The following LAMC3 variants were observed in gnomAD, a reference collection of about 807,000 sequenced individuals.
LAMC3 encodes laminin subunit gamma 3.
A neutral mutation model predicts 173.8 loss-of-function variants in LAMC3; 128 were observed. The ratio of observed to expected loss-of-function variants is 0.74; its 90% CI spans 0.64 to 0.85. The LOEUF (loss-of-function observed/expected upper bound fraction) is 0.85. Ranked by LOEUF, LAMC3 falls within the 40% of genes least tolerant of loss-of-function variation. The pLI, the probability that LAMC3 is intolerant of heterozygous loss-of-function variation, is 0.00. For synonymous variants in LAMC3, 897 were observed against 909.1 expected (o/e 0.99, Z 0.24); for missense variants, 2,022 against 2,156.0 (o/e 0.94, Z 1.23).
intron 3 of LAMC3, 68 bp from the exon 4 acceptor site, chr9:131,036,098 G>A (rs1833938125): frequency 6.5e-7 from 1 of 1,545,466 alleles, no homozygotes; most frequent in Non-Finnish European, 8.9e-7. Context: ...GGGGCTACCT[G>A]GTGACTAACT....
intron 27 of LAMC3, among the ~76,000 whole-genome samples, chr9:131,088,563 T>C (rs1830368010): frequency 6.6e-6 from 1 of 152,146 alleles, no homozygotes; most frequent in African/African-American, 2.4e-5. Flanking sequence ...CAGCATGTAT[T>C]TTTTTCAAAT....
rs191987262 is a variant in LAMC3 at position 131,032,095 on chromosome 9, G to T, written c.729G>T (p.Thr243=). 2.5e-6 allele frequency: 4 copies of T among 1,614,068 alleles called. No individual in the cohort carries two copies. In the East Asian group the frequency reaches 8.9e-5, roughly 36 times the overall value. The change falls in exon 3 of 28, where the codon ACG becomes ACT. Residue 243 remains threonine, a synonymous_variant. Transcript: ENST00000361069. ...TCATCTCTCTAGACCGGCTCAACAC[G>T]TTTGGGGACGACATCTTCAAGGACC... The part of the protein sequence containing the change: ...ELLISLDRLN[T]FGDDIFKDPK...
At chr9:131,088,654 C>T (rs192339469) in intron 27 of LAMC3, among the ~76,000 whole-genome samples, 17 of 152,228 alleles carry the variant, frequency 1.1e-4, no homozygotes, top group African/African-American at 3.9e-4. Context: ...CATTGTTGTG[C>T]GATCATCACC....
At chr9:131,052,387 CT>C in intron 9 of LAMC3, 103 bp from the exon 10 acceptor site, 1 of 1,138,710 alleles carries the variant, frequency 8.8e-7, no homozygotes, top group South Asian at 1.3e-5. Context: ...ACCCACTGCA[CT>C]TTTATCTTTT....
intron 2 of LAMC3, among the ~76,000 whole-genome samples, chr9:131,027,227 G>A (rs992777788): frequency 3.9e-5 from 6 of 152,248 alleles, no homozygotes; most frequent in Non-Finnish European, 8.8e-5. Flanking sequence ...GGAAGCTGAG[G>A]CCTGGAGGGA....
intron 9 of LAMC3, 139 bp downstream of exon 9, chr9:131,049,269 G>A (rs1267773278): frequency 8.6e-6 from 6 of 695,382 alleles, no homozygotes; most frequent in African/African-American, 7.1e-5. Context: ...TAGGTCTCTC[G>A]GAGCTAACAT....
chr9:131,055,615 C>T (rs1470204815), intron 11 of LAMC3, among the ~76,000 whole-genome samples: 15 of 150,954 alleles, frequency 9.9e-5, no homozygotes, highest in African/African-American at 2.2e-4. Context: ...TTAGTAGAGA[C>T]GGGGTTTCAC....
At chr9:131,065,655 G>A (rs1244078785) in intron 13 of LAMC3, among the ~76,000 whole-genome samples, 1 of 152,218 alleles carries the variant, frequency 6.6e-6, no homozygotes, top group Non-Finnish European at 1.5e-5. Context: ...CAGTGCAGCG[G>A]GAATGTGGAC....
In LAMC3 at chr9:131,071,595, G is replaced by A. The variant is rs775411177; in HGVS notation, c.3181G>A (p.Asp1061Asn). Reference sequence around the variant, plus strand: ...TCTGCTGGGAGAGGCCCCAAGGGGGGACGTCTACCAGGGCCATCACCTGCT... The same window carrying A: ...TCTGCTGGGAGAGGCCCCAAGGGGGAACGTCTACCAGGGCCATCACCTGCT... ...DILLGEAPRG[D>N]VYQGHHLLPG... is the part of the protein sequence containing the mutation. Residue 1061 changes from aspartate (D) to asparagine (N), a missense_variant, in exon 18 of 28, where the codon GAC becomes AAC. Transcript: ENST00000361069. 51 of 1,602,704 alleles carry A rather than the reference G, an allele frequency of 3.2e-5. No individual in the cohort carries two copies. Among genetic ancestry groups the A allele is most frequent in the Non-Finnish European group, 4.1e-5 (48 of 1,172,752 alleles).
rs146221263 is a variant in LAMC3 at position 131,072,668 on chromosome 9, G to A, written c.3250G>A (p.Glu1084Lys). Residue 1084 changes from glutamate (E) to lysine (K), a missense_variant, in exon 19 of 28, where the codon GAG becomes AAG. Glu to Lys is a moderately conservative substitution (Grantham distance 56). Coordinates refer to ENST00000361069, the MANE Select transcript of LAMC3 (RefSeq NM_006059.4). ...EAFLEQMMSL[E>K]GAVKAAREQL... is the part of the protein sequence containing the mutation. Reference sequence around the variant, plus strand: ...CTTCCTGGAGCAGATGATGAGCCTCGAGGGTGCTGTCAAGGCCGCCCGGGA... The same window carrying A: ...CTTCCTGGAGCAGATGATGAGCCTCAAGGGTGCTGTCAAGGCCGCCCGGGA... 4.7e-5 allele frequency: 75 copies of A among 1,611,278 alleles called. No homozygotes were observed. The highest frequency in any genetic ancestry group is 5.8e-5 in the Non-Finnish European group (69 of 1,179,828).
At chr9:131,067,894 A>G (rs1400698090) in intron 14 of LAMC3, among the ~76,000 whole-genome samples, 184 bp from the exon 15 acceptor site, 1 of 152,122 alleles carries the variant, frequency 6.6e-6, no homozygotes, top group African/African-American at 2.4e-5. Context: ...CTAAGGATAT[A>G]GTCAATGGGC....
intron 1 of LAMC3, among the ~76,000 whole-genome samples, chr9:131,011,245 A>G (rs573231359): frequency 2.0e-4 from 31 of 152,246 alleles, no homozygotes; most frequent in Admixed American, 5.9e-4. Context: ...TCAATTCCCA[A>G]ACACATTTGG....
At chr9:131,050,353 G>A (rs1197531898) in intron 9 of LAMC3, among the ~76,000 whole-genome samples, 2 of 152,202 alleles carry the variant, frequency 1.3e-5, no homozygotes, top group African/African-American at 4.8e-5. Context: ...ACAAACGTCT[G>A]GGCTGGCTGG....
chr9:131,082,071 G>A lies in LAMC3; in HGVS notation c.3940G>A (p.Ala1314Thr). 1 of 1,613,626 alleles carries A rather than the reference G, an allele frequency of 6.2e-7. No homozygotes were observed. The highest frequency in any genetic ancestry group is 8.5e-7 in the Non-Finnish European group (1 of 1,179,824). ...CATCTCTCTCCAGCTGCACCAGGAG[G>A]CCAGAGCCGCCCTGACCCAGGCTTC... is the stretch of plus-strand genomic sequence containing the variant. Reference protein sequence around the residue: ...TEPLTKLHQEARAALTQASSS... With the variant: ...TEPLTKLHQETRAALTQASSS... The change falls in exon 24 of 28, where the codon GCC becomes ACC. Residue 1314 changes from alanine to threonine, a missense_variant. Physicochemically the swap from Ala to Thr is moderately conservative, Grantham distance 58 (BLOSUM62 0). Coordinates refer to ENST00000361069, the MANE Select transcript of LAMC3 (RefSeq NM_006059.4).
At chr9:131,051,610 G>A (rs184022955) in intron 9 of LAMC3, among the ~76,000 whole-genome samples, 433 of 152,144 alleles carry the variant, frequency 2.8e-3, no homozygotes, top group Non-Finnish European at 5.0e-3. Flanking sequence ...TGATCCACTC[G>A]CCTCAGCCTC....
chr9:131,034,738 G>C (rs1045433180), intron 3 of LAMC3, among the ~76,000 whole-genome samples: 2 of 152,216 alleles, frequency 1.3e-5, no homozygotes, highest in Non-Finnish European at 1.5e-5. Flanking sequence ...AGCAGCTCAG[G>C]ACAGGGACAG....
At position 131,071,598 on chromosome 9, in the gene LAMC3, G is replaced by A. The variant is rs150681325; in HGVS notation, c.3184G>A (p.Val1062Ile). ...ILLGEAPRGDVYQGHHLLPGA... is the reference protein window; with the variant it reads ...ILLGEAPRGDIYQGHHLLPGA... ...GCTGGGAGAGGCCCCAAGGGGGGAC[G>A]TCTACCAGGGCCATCACCTGCTTCC... The change falls in exon 18 of 28, where the codon GTC (valine) becomes ATC (isoleucine). Residue 1062 changes from valine to isoleucine, a missense_variant. Val to Ile is a conservative substitution (Grantham distance 29). Transcript: ENST00000361069. The A allele has an allele frequency of 2.8e-5, 45 of 1,599,060 alleles. No homozygotes were observed. Among genetic ancestry groups the A allele is most frequent in the African/African-American group, 1.1e-4 (8 of 74,918 alleles).
chr9:131,037,514 C>T (rs915239253), intron 4 of LAMC3, among the ~76,000 whole-genome samples: 1 of 152,190 alleles, frequency 6.6e-6, no homozygotes, highest in African/African-American at 2.4e-5. Context: ...AGCTAAGGCT[C>T]TTTTCTTGAA....
intron 15 of LAMC3, 88 bp downstream of exon 15, chr9:131,068,319 G>T: frequency 7.1e-7 from 1 of 1,414,536 alleles, no homozygotes; most frequent in Admixed American, 1.9e-5. Context: ...GCCTGGTTTG[G>T]AAGGTGTTGT....
Sources: allele counts gnomAD v4.1 joint callset (sites outside exome capture counted in the v4.1 genomes callset), GRCh38; gene constraint gnomAD v4.1.1; transcripts MANE v1.5; gene names NCBI Gene and HGNC (gene_info 2026-07-23, HGNC 2026-07-21).